The following KLF15 variants were observed in gnomAD, a reference collection of about 807,000 sequenced individuals.
The protein encoded by KLF15 is KLF transcription factor 15.
KLF15 carries 4 observed loss-of-function variants against 24.6 expected under a neutral mutation model. The observed-to-expected ratio is 0.16, with a 90% CI of 0.08 to 0.37. KLF15 has a LOEUF of 0.37. KLF15 is among the 10% of genes least tolerant of loss of function. The pLI is 1.00. For synonymous variants in KLF15, 246 were observed against 236.3 expected, an observed-to-expected ratio of 1.04 and a Z score of -0.37; for missense variants, 496 against 560.6, an observed-to-expected ratio of 0.88 and a Z score of 1.16.
chr3:126,337,888 T>C (rs181772764), downstream of KLF15, among the ~76,000 whole-genome samples: 4 of 152,244 alleles, frequency 2.6e-5, no homozygotes, highest in African/African-American at 7.2e-5. Context: ...AGGAGGAAGA[T>C]GAAGGTGCTT....
chr3:126,322,121 A>G, the KLF15 span, among the ~76,000 whole-genome samples: 9 of 152,318 alleles, frequency 5.9e-5, no homozygotes, highest in African/African-American at 2.2e-4. Context: ...CTGAGGCTTC[A>G]GGGACTTGGT....
the KLF15 span, among the ~76,000 whole-genome samples, chr3:126,298,034 C>T: frequency 3.3e-5 from 5 of 152,174 alleles, no homozygotes; most frequent in Admixed American, 1.3e-4. Context: ...TACTGTTTTC[C>T]GTAGTGGTTG....
At chr3:126,313,379 C>T in the KLF15 span, among the ~76,000 whole-genome samples, 31 of 152,316 alleles carry the variant, frequency 2.0e-4, no homozygotes, top group Non-Finnish European at 3.4e-4. Flanking sequence ...CCTCAGCTGA[C>T]TCATACAAGG....
intron 2 of KLF15, 50 bp downstream of exon 2, chr3:126,351,791 G>C: frequency 1.3e-6 from 2 of 1,540,772 alleles, no homozygotes; most frequent in Non-Finnish European, 1.8e-6. Flanking sequence ...CAAGTAAGCA[G>C]ACATGAGTGG....
the KLF15 span, among the ~76,000 whole-genome samples, chr3:126,317,958 A>G: frequency 0.036 from 5,411 of 152,188 alleles, 323 homozygotes; most frequent in African/African-American, 0.12. Context: ...ACTCACATAC[A>G]TTCTGCTGCT....
chr3:126,351,347 G>A (rs913979143), intron 2 of KLF15, among the ~76,000 whole-genome samples: 2 of 152,266 alleles, frequency 1.3e-5, no homozygotes, highest in Non-Finnish European at 2.9e-5. Context: ...TTTTCAGGAT[G>A]TGACCTCTCG....
chr3:126,316,697 C>A, the KLF15 span, among the ~76,000 whole-genome samples: 75,707 of 145,192 alleles, frequency 0.52, 19,699 homozygotes, highest in Non-Finnish European at 0.56. Context: ...GTCCACAGGC[C>A]GGAGTGGGGA....
downstream of KLF15, among the ~76,000 whole-genome samples, chr3:126,338,895 G>C (rs2082458034): frequency 1.3e-5 from 2 of 152,200 alleles, no homozygotes; most frequent in Admixed American, 6.5e-5. Flanking sequence ...TGTCAGCTCA[G>C]CTCAGGGTTG....
At chr3:126,299,240 G>GTATGTATGTA in the KLF15 span, among the ~76,000 whole-genome samples, 7 of 98,166 alleles carry the variant, frequency 7.1e-5, no homozygotes, top group African/African-American at 2.8e-4. Context: ...GTATGTATTT[G>GTATGTATGTA]TTTATTTATT....
At chr3:126,339,926 C>CT (rs1293288954), downstream of KLF15, among the ~76,000 whole-genome samples, 2 of 152,242 alleles carry the variant, frequency 1.3e-5, no homozygotes, top group Non-Finnish European at 2.9e-5. Flanking sequence ...TACGTAGGGC[C>CT]TTTTGGCTCC....
At chr3:126,323,087 T>C in the KLF15 span, among the ~76,000 whole-genome samples, 1 of 151,582 alleles carries the variant, frequency 6.6e-6, no homozygotes, top group Non-Finnish European at 1.5e-5. Context: ...GCACACTTTT[T>C]AAAACTTTTT....
the KLF15 span, among the ~76,000 whole-genome samples, chr3:126,331,743 G>A: frequency 9.9e-5 from 15 of 152,220 alleles, no homozygotes; most frequent in African/African-American, 9.6e-5. Context: ...GACAGTGGGC[G>A]CAGGCCAGTG....
the KLF15 span, among the ~76,000 whole-genome samples, chr3:126,309,492 C>A: frequency 1.3e-5 from 2 of 152,216 alleles, no homozygotes; most frequent in Non-Finnish European, 2.9e-5. Flanking sequence ...TCAGTGGGAA[C>A]CCACGTTTCT....
At chr3:126,313,592 A>G in the KLF15 span, among the ~76,000 whole-genome samples, 1 of 152,318 alleles carries the variant, frequency 6.6e-6, no homozygotes, top group East Asian at 1.9e-4. Flanking sequence ...ATGTCTGGGA[A>G]TACTGACTTG....
At chr3:126,308,849 T>G in the KLF15 span, among the ~76,000 whole-genome samples, 162 of 152,274 alleles carry the variant, frequency 1.1e-3, no homozygotes, top group Non-Finnish European at 1.8e-3. Flanking sequence ...AGGACAGCAC[T>G]GGCCTCACGG....
Position 126,343,790 on chromosome 3 carries a change from G to A in KLF15, c.1188C>T (p.Leu396=). The A allele has an allele frequency of 1.2e-6, 2 of 1,612,096 alleles. No individual in the cohort carries two copies. The highest frequency in any genetic ancestry group is 1.7e-6 in the Non-Finnish European group (2 of 1,179,944). The change falls in exon 3 of 3, where the codon CTC becomes CTT. Residue 396 remains leucine (L), a synonymous_variant. Coordinates refer to ENST00000296233, the MANE Select transcript of KLF15 (RefSeq NM_014079.4). ...AGCGGTGCACCTTGATGTGCTTGGA[G>A]AGGTGGTCGCTCCGCGCGAACTTCT... ...CEKKFARSDH[L]SKHIKVHRFP... is the part of the protein sequence containing the mutation.
the KLF15 span, among the ~76,000 whole-genome samples, chr3:126,326,745 T>C: frequency 6.3e-4 from 96 of 152,100 alleles, 5 homozygotes; most frequent in East Asian, 0.018. Context: ...TTTTTAACTG[T>C]TGTTGTATTT....
chr3:126,289,102 C>G, the KLF15 span, among the ~76,000 whole-genome samples: 1 of 152,276 alleles, frequency 6.6e-6, no homozygotes, highest in South Asian at 2.1e-4. Flanking sequence ...GGAAGGTCAA[C>G]AGAGGCTTTG....
chr3:126,297,034 A>T, the KLF15 span, among the ~76,000 whole-genome samples: 10 of 152,168 alleles, frequency 6.6e-5, no homozygotes, highest in Non-Finnish European at 7.4e-5. Context: ...TCAGCCTCCC[A>T]AGTAGCTAGG....
Sources: gnomAD v4.1 joint callset for allele counts (sites outside exome capture counted in the v4.1 genomes callset) on GRCh38, gnomAD v4.1.1 for gene constraint, MANE v1.5 for transcripts, NCBI Gene and HGNC (gene_info 2026-07-23, HGNC 2026-07-21) for gene names.